The following HIP1 variants were observed in gnomAD, a reference collection of about 807,000 sequenced individuals.
The protein encoded by HIP1 is huntingtin interacting protein 1.
A neutral mutation model predicts 147.6 loss-of-function variants in HIP1; 65 were observed. That is an observed-to-expected ratio of 0.44 (90% CI 0.36 to 0.54). HIP1 has a LOEUF of 0.54. Among genes scored for constraint, HIP1 ranks in the 20% least tolerant of loss-of-function variants. The probability of loss-of-function intolerance (pLI) is 0.00; values close to 1 mark genes in which losing one functional copy is unlikely to be tolerated. For missense variants in HIP1, 1,061 were observed against 1,299.6 expected, an observed-to-expected ratio of 0.82 and a Z score of 2.82; for synonymous variants, 479 against 504.0, an observed-to-expected ratio of 0.95 and a Z score of 0.67.
intron 8 of HIP1, among the ~76,000 whole-genome samples, chr7:75,571,411 C>T (rs587771332): frequency 4.6e-5 from 7 of 152,246 alleles, no homozygotes; most frequent in Non-Finnish European, 7.4e-5. Flanking sequence ...GCCTACTTGC[C>T]GCAAAGCCCT....
At chr7:75,729,459 C>T (rs1406904068) in intron 1 of HIP1, among the ~76,000 whole-genome samples, 1 of 151,396 alleles carries the variant, frequency 6.6e-6, no homozygotes, top group Non-Finnish European at 1.5e-5. Context: ...TGCATTCCAG[C>T]CTGGGCAACA....
chr7:75,667,358 T>C (rs1298670571), intron 1 of HIP1, among the ~76,000 whole-genome samples: 1 of 152,226 alleles, frequency 6.6e-6, no homozygotes, highest in Admixed American at 6.6e-5. Context: ...TAAGCCTCCA[T>C]TTCCTTATAT....
Position 75,568,971 on chromosome 7 carries a change from T to C in HIP1, c.746-715A>G, listed in dbSNP as rs1554496061. On this transcript the variant is annotated intron_variant, in intron 8 of 30. Transcript: ENST00000336926. This position sits in a 1 kb window ranked among gnomAD's most constrained non-coding sequence, Gnocchi z 4.1. ...TTGCAGTGAGCTGAGATTGCACCAC[T>C]GCACTCCAGCCTGGGCGACAGTGAG... Among the ~76,000 whole-genome samples the C allele has an allele frequency of 1.3e-5, 2 of 152,110 alleles. No individual in the cohort carries two copies. Among genetic ancestry groups the C allele is most frequent in the Non-Finnish European group, 2.9e-5 (2 of 68,014 alleles).
chr7:75,588,079 C>T (rs1796349165), intron 4 of HIP1, among the ~76,000 whole-genome samples: 1 of 152,180 alleles, frequency 6.6e-6, no homozygotes, highest in Admixed American at 6.5e-5. Flanking sequence ...AGGAAGTCCT[C>T]CCTAAGGACT....
At chr7:75,551,595 A>T (rs1794785907) in intron 22 of HIP1, among the ~76,000 whole-genome samples, 1 of 151,594 alleles carries the variant, frequency 6.6e-6, no homozygotes, top group Non-Finnish European at 1.5e-5. Flanking sequence ...ACTGCAGGTG[A>T]ACCACTCTGC....
chr7:75,697,728 T>C (rs1380231792), intron 1 of HIP1, among the ~76,000 whole-genome samples: 1 of 152,130 alleles, frequency 6.6e-6, no homozygotes, highest in East Asian at 1.9e-4. Flanking sequence ...AGAAGAATCG[T>C]TTGAGCCCAG....
chr7:75,545,565 C>T (rs922867095), intron 25 of HIP1, among the ~76,000 whole-genome samples: 1 of 151,970 alleles, frequency 6.6e-6, no homozygotes, highest in Non-Finnish European at 1.5e-5. Context: ...TCACTTGAAC[C>T]TAGGAGGCGG....
chr7:75,655,494 G>T (rs1263466243), intron 1 of HIP1, among the ~76,000 whole-genome samples: 1 of 151,552 alleles, frequency 6.6e-6, no homozygotes, highest in Non-Finnish European at 1.5e-5. Flanking sequence ...AGGCAGGAGA[G>T]TCGCTGAAAT....
intron 13 of HIP1, 44 bp from the exon 14 acceptor site, chr7:75,559,959 G>A (rs781939529): frequency 5.9e-6 from 9 of 1,520,552 alleles, no homozygotes; most frequent in Admixed American, 4.3e-5. Context: ...CCACTGCCAC[G>A]GGTCACGGGC....
chr7:75,704,139 T>G (rs1182635961), intron 1 of HIP1, among the ~76,000 whole-genome samples: 1 of 152,062 alleles, frequency 6.6e-6, no homozygotes, highest in Non-Finnish European at 1.5e-5. Flanking sequence ...GAATATAAGC[T>G]CCACCAAAGA....
chr7:75,641,696 C>T (rs1798660486), intron 1 of HIP1, among the ~76,000 whole-genome samples: 2 of 151,060 alleles, frequency 1.3e-5, no homozygotes, highest in Non-Finnish European at 2.9e-5. Flanking sequence ...GGGGTTTCTC[C>T]ATGTTGGTCA....
At chr7:75,560,878 C>T (rs895359834) in intron 13 of HIP1, among the ~76,000 whole-genome samples, 1 of 151,732 alleles carries the variant, frequency 6.6e-6, no homozygotes, top group African/African-American at 2.4e-5. Flanking sequence ...CACAGGTGCA[C>T]ACCACCACGC....
chr7:75,595,291 T>C (rs62478484), intron 2 of HIP1, among the ~76,000 whole-genome samples: 85 of 131,450 alleles, frequency 6.5e-4, no homozygotes, highest in Non-Finnish European at 8.3e-4. Flanking sequence ...TTCCTTTCTT[T>C]CTTTCTCTCT....
chr7:75,598,462 T>C, intron 2 of HIP1, among the ~76,000 whole-genome samples: 1 of 149,148 alleles, frequency 6.7e-6, no homozygotes, highest in Non-Finnish European at 1.5e-5. Flanking sequence ...GAAAAGGAGA[T>C]AACTATTGAT....
chr7:75,667,290 A>G (rs1259343892), intron 1 of HIP1, among the ~76,000 whole-genome samples: 1 of 152,168 alleles, frequency 6.6e-6, no homozygotes, highest in Non-Finnish European at 1.5e-5. Flanking sequence ...GTGATAATGG[A>G]AAGAACATGA....
At chr7:75,727,691 G>A (rs1554522505) in intron 1 of HIP1, among the ~76,000 whole-genome samples, 1 of 151,688 alleles carries the variant, frequency 6.6e-6, no homozygotes, top group East Asian at 1.9e-4. Flanking sequence ...ACTAAAAATA[G>A]AAAAATTATC....
chr7:75,715,895 CGGAAGG>C (rs144092844), intron 1 of HIP1, among the ~76,000 whole-genome samples: 1,834 of 150,198 alleles, frequency 0.012, 36 homozygotes, highest in African/African-American at 0.042. Flanking sequence ...TCACTCAAGG[CGGAAGG>C]GGAAGGGGAA....
rs149094639 is a variant in HIP1, at chr7:75,735,730, G to T, written c.120+3071C>A. On this transcript the variant is annotated intron_variant, in intron 1 of 30. Coordinates refer to ENST00000336926, the MANE Select transcript of HIP1 (RefSeq NM_005338.7). ...ATTTGAGATGGGGTCTCACTCTGTT[G>T]CCCAGGCCGGAATGCAGTGGCACAA... 4.2e-3 allele frequency among the ~76,000 whole-genome samples: 621 copies of T among 149,498 alleles called. 2 individuals carry two copies. The highest frequency in any genetic ancestry group is 0.015 in the African/African-American group (596 of 40,544).
chr7:75,683,433 C>T (rs1333042644), intron 1 of HIP1, among the ~76,000 whole-genome samples: 5 of 95,840 alleles, frequency 5.2e-5, no homozygotes, highest in African/African-American at 1.9e-4. Context: ...GGCATTTACT[C>T]GGACTCGTTG....
Sources: gnomAD v4.1 joint callset for allele counts (sites outside exome capture counted in the v4.1 genomes callset) on GRCh38, gnomAD v4.1.1 for gene constraint, Gnocchi (gnomAD v3.1) non-coding constraint, MANE v1.5 for transcripts, NCBI Gene and HGNC (gene_info 2026-07-23, HGNC 2026-07-21) for gene names.